Variants in RASGRP1 observed in about 807,000 individuals in gnomAD.
RASGRP1 encodes the protein RAS guanyl releasing protein 1.
RASGRP1 carries 37 observed loss-of-function variants against 95.1 expected under a neutral mutation model. The ratio of observed to expected loss-of-function variants is 0.39; its 90% CI spans 0.30 to 0.51. The LOEUF (loss-of-function observed/expected upper bound fraction) is 0.51. Among genes scored for constraint, RASGRP1 ranks in the 20% least tolerant of loss-of-function variants. The pLI is 0.80. For missense variants in RASGRP1, 711 were observed against 965.4 expected, an observed-to-expected ratio of 0.74 and a Z score of 3.49; for synonymous variants, 325 against 353.4, an observed-to-expected ratio of 0.92 and a Z score of 0.90.
At chr15:38,532,200 G>T (rs558518330) in intron 2 of RASGRP1, among the ~76,000 whole-genome samples, 1 of 152,252 alleles carries the variant, frequency 6.6e-6, no homozygotes, top group East Asian at 1.9e-4. Flanking sequence ...AAAATGCAGG[G>T]TGTCATACTA....
chr15:38,558,709 T>C (rs1316375901), intron 2 of RASGRP1, among the ~76,000 whole-genome samples: 1 of 152,238 alleles, frequency 6.6e-6, no homozygotes, highest in East Asian at 1.9e-4. Context: ...TGAGAACCAG[T>C]ACTTTAAACC....
intron 2 of RASGRP1, among the ~76,000 whole-genome samples, chr15:38,540,906 G>A (rs965015032): frequency 2.0e-5 from 3 of 152,178 alleles, no homozygotes; most frequent in African/African-American, 7.2e-5. Context: ...ATCCTTGAAG[G>A]AGCTGATATT....
rs1890719781 is a variant in RASGRP1 at position 38,494,516 on chromosome 15, G to T, written c.2125C>A (p.Pro709Thr). Residue 709 changes from proline to threonine, a missense_variant, in exon 16 of 17, where the codon CCC becomes ACC. Pro to Thr is a conservative substitution (Grantham distance 38). Around this residue, in one of 3 missense-constraint regions of RASGRP1, gnomAD observed 212 missense variants for 247.8 expected, o/e 0.86. Transcript: ENST00000310803. ...ACTGGGCTAGGACATGGAGAGGTGG[G>T]ACTGGGAAGCACATATAGAGTATCC... ...AQDTLYVLPS[P>T]TSPCPSPVLV... 1.2e-6 allele frequency: 2 copies of T among 1,601,162 alleles called. No homozygotes were observed. The highest frequency in any genetic ancestry group is 3.5e-5 in the Admixed American group (2 of 57,654).
intron 16 of RASGRP1, among the ~76,000 whole-genome samples, chr15:38,493,179 CTTT>C (rs71418810): frequency 5.1e-4 from 53 of 104,526 alleles, no homozygotes; most frequent in Admixed American, 2.3e-3. Context: ...CACGCCGGGC[CTTT>C]TTTTTTTTTT....
In RASGRP1 at chr15:38,558,174, A is replaced by C. The variant is rs527979273; in HGVS notation, c.220+1647T>G. Among the ~76,000 whole-genome samples, 368 of 152,250 alleles carry C rather than the reference A, an allele frequency of 2.4e-3. 1 individual carries two copies. The highest frequency in any genetic ancestry group is 8.5e-3 in the African/African-American group (354 of 41,546). ...GTAAATCTGACTGCTGAAATGGTGT[A>C]AGGAACTTTGCAGTTTATTCAGGTT... On this transcript the variant is annotated intron_variant, in intron 2 of 16. Transcript: ENST00000310803.
chr15:38,543,561 C>CTTTTTTTTT (rs1312763434), intron 2 of RASGRP1, among the ~76,000 whole-genome samples: 3 of 60,680 alleles, frequency 4.9e-5, no homozygotes, highest in Non-Finnish European at 1.0e-4. Context: ...AAACTCTAGT[C>CTTTTTTTTT]TTTTTTTTTT....
chr15:38,505,445 G>T (rs74009817), intron 10 of RASGRP1, among the ~76,000 whole-genome samples: 1,927 of 152,188 alleles, frequency 0.013, 43 homozygotes, highest in African/African-American at 0.043. Context: ...TATCATCAAT[G>T]AATCATAGAA....
intron 2 of RASGRP1, 21 bp downstream of exon 2, chr15:38,559,800 G>A: frequency 6.2e-7 from 1 of 1,604,400 alleles, no homozygotes. Context: ...TTTTATGCCT[G>A]TGGGCAGTTA....
intron 2 of RASGRP1, among the ~76,000 whole-genome samples, chr15:38,547,647 A>G (rs896209832): frequency 3.0e-4 from 46 of 152,198 alleles, no homozygotes; most frequent in African/African-American, 9.7e-4. Context: ...ATTTCCACCC[A>G]AAGTAAAACC....
chr15:38,499,971 T>A (rs1426212169), intron 14 of RASGRP1, 132 bp downstream of exon 14: 2 of 826,578 alleles, frequency 2.4e-6, no homozygotes, highest in East Asian at 5.0e-5. Flanking sequence ...TCCTTAGGCC[T>A]CACCAGCCCT....
intron 2 of RASGRP1, among the ~76,000 whole-genome samples, chr15:38,552,293 G>C (rs1044537206): frequency 2.0e-5 from 3 of 152,108 alleles, no homozygotes; most frequent in African/African-American, 7.2e-5. Context: ...AATAATAGCA[G>C]AATTATTACT....
chr15:38,540,157 G>C (rs1173265500), intron 2 of RASGRP1, among the ~76,000 whole-genome samples: 1 of 151,986 alleles, frequency 6.6e-6, no homozygotes, highest in Non-Finnish European at 1.5e-5. Context: ...TGAACTCCTG[G>C]GCTCAAGCGA....
chr15:38,508,073 TG>T, intron 8 of RASGRP1, 72 bp from the exon 9 acceptor site: 1 of 1,479,690 alleles, frequency 6.8e-7, no homozygotes, highest in Non-Finnish European at 9.1e-7. Flanking sequence ...GGACCTTGCA[TG>T]TTTGCATCCT....
chr15:38,494,640 A>G lies in RASGRP1; in HGVS notation c.2001T>C (p.Ala667=). The change falls in exon 16 of 17, where the codon GCT becomes GCC. Residue 667 remains alanine (A), a synonymous_variant. Transcript: ENST00000310803. The part of the protein sequence containing the change: ...SQKISLRLKR[A]VAHKATQTES... ...CAGTCTGGGTGGCCTTGTGGGCAAC[A>G]GCCCTCTTCAGCCGAAGAGAAATCT... 1 of 1,550,636 alleles carries G rather than the reference A, an allele frequency of 6.4e-7. No individual in the cohort carries two copies. Among genetic ancestry groups the G allele is most frequent in the Non-Finnish European group, 8.7e-7 (1 of 1,154,350 alleles).
At chr15:38,513,739 A>C (rs896897814) in intron 6 of RASGRP1, among the ~76,000 whole-genome samples, 6 of 152,240 alleles carry the variant, frequency 3.9e-5, no homozygotes, top group Non-Finnish European at 7.3e-5. Flanking sequence ...TGTCACAAAG[A>C]ATCCCTCTGC....
At chr15:38,538,842 G>A (rs1892758058) in intron 2 of RASGRP1, among the ~76,000 whole-genome samples, 1 of 152,194 alleles carries the variant, frequency 6.6e-6, no homozygotes, top group African/African-American at 2.4e-5. Flanking sequence ...GGAGAACAAG[G>A]TTCTGAACTG....
intron 15 of RASGRP1, 27 bp downstream of exon 15, chr15:38,498,767 A>G (rs747192721): frequency 9.4e-6 from 15 of 1,603,158 alleles, no homozygotes; most frequent in East Asian, 2.2e-5. Flanking sequence ...TCACTTTCCA[A>G]GATGAATGTT....
At chr15:38,532,960 TTTCC>T in intron 2 of RASGRP1, among the ~76,000 whole-genome samples, 2 of 152,072 alleles carry the variant, frequency 1.3e-5, no homozygotes, top group African/African-American at 4.8e-5. Context: ...GGGGGCCAGC[TTTCC>T]TACAGTGAAG....
chr15:38,503,598 C>A, intron 10 of RASGRP1: 1 of 548,076 alleles, frequency 1.8e-6, no homozygotes, highest in East Asian at 3.1e-5. Flanking sequence ...CATACATTAT[C>A]TGCAGCTACA....
Sources: allele counts gnomAD v4.1 joint callset (sites outside exome capture counted in the v4.1 genomes callset), GRCh38; gene constraint gnomAD v4.1.1; regional missense constraint gnomAD v4.1.1; transcripts MANE v1.5; gene names NCBI Gene and HGNC (gene_info 2026-07-23, HGNC 2026-07-21).